SGCG: variants seen among roughly 807,000 people sequenced by gnomAD.
The protein encoded by SGCG is gamma-sarcoglycan.
Under a neutral mutation model 29.3 loss-of-function variants are expected in SGCG, and 26 were observed. The ratio of observed to expected loss-of-function variants is 0.89; its 90% CI spans 0.65 to 1.23. The LOEUF is 1.23. Ranked by LOEUF, SGCG falls within the 50% of genes most tolerant of loss-of-function variation. The pLI is 0.00. For synonymous variants in SGCG, 145 were observed against 129.7 expected, an observed-to-expected ratio of 1.12 and a Z score of -0.80; for missense variants, 353 against 356.0, an observed-to-expected ratio of 0.99 and a Z score of 0.07.
chr13:23,243,167 GC>G (rs1161128312), intron 3 of SGCG, among the ~76,000 whole-genome samples: 1 of 152,152 alleles, frequency 6.6e-6, no homozygotes, highest in Non-Finnish European at 1.5e-5. Flanking sequence ...AGAATACCCA[GC>G]TAGCCGTGGC....
chr13:23,212,132 G>T (rs1878248042), intron 2 of SGCG, among the ~76,000 whole-genome samples: 1 of 152,016 alleles, frequency 6.6e-6, no homozygotes, highest in African/African-American at 2.4e-5. Context: ...GTTTCTTGAG[G>T]CCTCCCCAGA....
intron 1 of SGCG, among the ~76,000 whole-genome samples, chr13:23,203,164 T>A (rs946506344): frequency 6.6e-6 from 1 of 152,126 alleles, no homozygotes; most frequent in Non-Finnish European, 1.5e-5. Flanking sequence ...TGTCACCATG[T>A]TAGCCAGGAT....
At chr13:23,303,195 T>C (rs1363108429) in intron 6 of SGCG, among the ~76,000 whole-genome samples, 1 of 149,604 alleles carries the variant, frequency 6.7e-6, no homozygotes, top group African/African-American at 2.4e-5. Context: ...CATGTCTTTC[T>C]TTATAAAGTG....
intron 1 of SGCG, among the ~76,000 whole-genome samples, chr13:23,200,978 T>C (rs1432408697): frequency 2.6e-5 from 4 of 152,072 alleles, no homozygotes; most frequent in East Asian, 1.9e-4. Flanking sequence ...GTTTTTACTC[T>C]GAGTGAAATG....
intron 1 of SGCG, among the ~76,000 whole-genome samples, chr13:23,196,419 C>T (rs925737690): frequency 2.0e-5 from 3 of 152,110 alleles, no homozygotes; most frequent in Non-Finnish European, 4.4e-5. Context: ...AGAGGAGCAG[C>T]ATGTCTCTTT....
chr13:23,274,964 A>G (rs1881012865), intron 4 of SGCG, among the ~76,000 whole-genome samples: 1 of 152,062 alleles, frequency 6.6e-6, no homozygotes, highest in South Asian at 2.1e-4. Flanking sequence ...AGTTCAGTTA[A>G]TGCCACAATT....
At chr13:23,166,969 A>G in the SGCG span, among the ~76,000 whole-genome samples, 1 of 152,316 alleles carries the variant, frequency 6.6e-6, no homozygotes, top group South Asian at 2.1e-4. Flanking sequence ...TATTGACTAT[A>G]GTCATCCTGT....
intron 1 of SGCG, among the ~76,000 whole-genome samples, chr13:23,193,906 T>C (rs1272896001): frequency 1.3e-5 from 2 of 152,020 alleles, no homozygotes; most frequent in African/African-American, 4.8e-5. Context: ...AAGAGAAGAT[T>C]ATGAAAGGGC....
At chr13:23,286,558 T>C (rs565510133) in intron 5 of SGCG, among the ~76,000 whole-genome samples, 3 of 152,336 alleles carry the variant, frequency 2.0e-5, no homozygotes, top group African/African-American at 7.2e-5. Context: ...CCCCAGGGGA[T>C]ACCTCAAGCT....
In SGCG at chr13:23,234,684, T is replaced by C. The variant is rs1254791358; in HGVS notation, c.269T>C (p.Leu90Ser). 7 of 1,609,946 alleles carry C rather than the reference T, an allele frequency of 4.3e-6. No homozygotes were observed. The highest frequency in any genetic ancestry group is 5.1e-6 in the Non-Finnish European group (6 of 1,176,370). Residue 90 changes from leucine (L) to serine (S), a missense_variant, in exon 3 of 8, where the codon TTG becomes TCG. Physicochemically the swap from Leu to Ser is moderately radical, Grantham distance 145 (BLOSUM62 -2). Transcript: ENST00000218867. ...GGGGAATCAGAATTTTTATTCCCAT[T>C]GTATGCCAAAGAAATACACTCCAGA... Reference protein sequence around the residue: ...LEGESEFLFPLYAKEIHSRVD... With the variant: ...LEGESEFLFPSYAKEIHSRVD...
chr13:23,206,583 A>G (rs937705417), intron 2 of SGCG, among the ~76,000 whole-genome samples: 2 of 152,148 alleles, frequency 1.3e-5, no homozygotes, highest in African/African-American at 4.8e-5. Context: ...TTTTTTCCAC[A>G]TCTTGATTGA....
intron 2 of SGCG, among the ~76,000 whole-genome samples, chr13:23,218,832 A>C (rs556216060): frequency 1.3e-5 from 2 of 151,672 alleles, no homozygotes; most frequent in South Asian, 2.1e-4. Flanking sequence ...ATTTGAGTAT[A>C]GGAAAAACTC....
chr13:23,280,885 T>TA (rs767692688), intron 5 of SGCG, among the ~76,000 whole-genome samples: 152 of 152,320 alleles, frequency 1.0e-3, no homozygotes, highest in Non-Finnish European at 1.6e-3. Context: ...CAAGCCCTCC[T>TA]ACTCAGAGAA....
In SGCG at chr13:23,320,485, A is replaced by G. The variant is rs994822563; in HGVS notation, c.579-152A>G. ...CTTCACATTATTTCTAGATTTATCAATGAATAATGCACAATATGTTACCAT... is the reference window on the plus strand; with the variant it reads ...CTTCACATTATTTCTAGATTTATCAGTGAATAATGCACAATATGTTACCAT... On this transcript the variant is annotated intron_variant, in intron 6 of 7. Coordinates refer to ENST00000218867, the MANE Select transcript of SGCG (RefSeq NM_000231.3). 5.8e-5 allele frequency: 39 copies of G among 672,322 alleles called. 2 individuals are homozygous for G. Among genetic ancestry groups the G allele is most frequent in the Admixed American group, 1.0e-4 (4 of 38,106 alleles). 41.6% of individuals were successfully genotyped at this position (672,322 alleles called of 1,614,324 possible).
At chr13:23,259,431 C>G (rs181210411) in intron 4 of SGCG, among the ~76,000 whole-genome samples, 7 of 152,080 alleles carry the variant, frequency 4.6e-5, no homozygotes, top group Middle Eastern at 3.4e-3. Context: ...ATTCTTCTCT[C>G]TTTTCTTCTT....
intron 4 of SGCG, chr13:23,268,894 C>T (rs1385078178): frequency 2.1e-4 from 18 of 84,582 alleles, no homozygotes; most frequent in Non-Finnish European, 5.2e-4. Flanking sequence ...GGATATTGAA[C>T]GCTTTAAAAA....
chr13:23,176,503 C>G (rs556474056), upstream of SGCG, among the ~76,000 whole-genome samples: 33 of 151,840 alleles, frequency 2.2e-4, no homozygotes, highest in African/African-American at 7.7e-4. Context: ...CCATTTTAAT[C>G]TTTTTTTTAT....
chr13:23,324,917 G>A lies in SGCG; in HGVS notation c.*376G>A, dbSNP rs1339559475. On this transcript the variant is annotated 3_prime_UTR_variant, in exon 8 of 8. Transcript: ENST00000218867. ...CTCCACTGTGGATATCTAATGCCCT[G>A]TTGAGAGTAGCCTTGCTCAGTACTA... 2 of 347,488 alleles carry A rather than the reference G, an allele frequency of 5.8e-6. No homozygotes were observed. The highest frequency in any genetic ancestry group is 2.3e-5 in the South Asian group (1 of 43,496). The allele number at this position is 347,488 out of a possible 1,614,324, so 21.5% of individuals were successfully genotyped here. A position where few individuals can be genotyped will look rare whatever the true frequency, so the allele number is the denominator to read the frequency against.
At chr13:23,170,997 T>A in the SGCG span, among the ~76,000 whole-genome samples, 161 of 152,328 alleles carry the variant, frequency 1.1e-3, no homozygotes, top group African/African-American at 3.8e-3. Context: ...GGCTTGATTG[T>A]ATAAAAGTGC....
Sources: gnomAD v4.1 joint callset for allele counts (sites outside exome capture counted in the v4.1 genomes callset) on GRCh38, gnomAD v4.1.1 for gene constraint, MANE v1.5 for transcripts, NCBI Gene and HGNC (gene_info 2026-07-23, HGNC 2026-07-21) for gene names.